ROBO2: variants seen among roughly 807,000 people sequenced by gnomAD.
ROBO2 encodes roundabout guidance receptor 2.
ROBO2 carries 53 observed loss-of-function variants against 160.8 expected under a neutral mutation model. The observed-to-expected ratio is 0.33, with a 90% CI of 0.26 to 0.41. ROBO2 has a LOEUF of 0.41. ROBO2 is among the 10% of genes least tolerant of loss of function. The pLI, the probability that ROBO2 is intolerant of heterozygous loss-of-function variation, is 1.00. For synonymous variants in ROBO2, 664 were observed against 611.7 expected (o/e 1.09, Z -1.26); for missense variants, 1,577 against 1,722.4 (o/e 0.92, Z 1.49).
intron 2 of ROBO2, among the ~76,000 whole-genome samples, chr3:76,712,513 A>G (rs1051508047): frequency 6.6e-6 from 1 of 151,974 alleles, no homozygotes; most frequent in Non-Finnish European, 1.5e-5. Context: ...CATCTCTACT[A>G]AAAATACAAA....
At chr3:77,137,215 A>G (rs1342655558) in intron 2 of ROBO2, among the ~76,000 whole-genome samples, 1 of 152,160 alleles carries the variant, frequency 6.6e-6, no homozygotes, top group African/African-American at 2.4e-5. Context: ...TAAAGCCATC[A>G]CAGTGGAATT....
intron 2 of ROBO2, among the ~76,000 whole-genome samples, chr3:76,103,290 G>A (rs1406990246): frequency 6.6e-6 from 1 of 152,148 alleles, no homozygotes; most frequent in Non-Finnish European, 1.5e-5. Flanking sequence ...GTGCTTTCTT[G>A]TCTATGTATA....
chr3:76,268,369 T>C (rs1352258398), intron 2 of ROBO2, among the ~76,000 whole-genome samples: 1 of 152,156 alleles, frequency 6.6e-6, no homozygotes, highest in African/African-American at 2.4e-5. Context: ...TGGGCTGTCA[T>C]AACAAAATAT....
chr3:77,221,283 T>C (rs1437974548), intron 2 of ROBO2, among the ~76,000 whole-genome samples: 2 of 152,184 alleles, frequency 1.3e-5, no homozygotes, highest in Non-Finnish European at 2.9e-5. Context: ...ACCAAGTAGA[T>C]AGAAGGTGTT....
chr3:76,657,183 T>C (rs1275709322), intron 2 of ROBO2, among the ~76,000 whole-genome samples: 1 of 152,018 alleles, frequency 6.6e-6, no homozygotes, highest in African/African-American at 2.4e-5. Flanking sequence ...CCCAGCACTT[T>C]GGGAAGCCGA....
At chr3:77,585,221 C>T (rs2153681068) in intron 16 of ROBO2, among the ~76,000 whole-genome samples, 1 of 150,388 alleles carries the variant, frequency 6.6e-6, no homozygotes, top group East Asian at 1.9e-4. Flanking sequence ...TATCTGTTTG[C>T]CAGATATTTT....
chr3:77,017,729 A>G (rs2062364884), intron 2 of ROBO2, among the ~76,000 whole-genome samples: 1 of 150,964 alleles, frequency 6.6e-6, no homozygotes, highest in Admixed American at 6.6e-5. Flanking sequence ...ACTTCACATA[A>G]TTTTTTAAAG....
chr3:76,688,505 A>G (rs934238217), intron 2 of ROBO2, among the ~76,000 whole-genome samples: 2 of 151,848 alleles, frequency 1.3e-5, no homozygotes, highest in African/African-American at 4.8e-5. Flanking sequence ...TTGAATATTT[A>G]GTAACTAAAC....
At chr3:77,602,167 C>A (rs369253199) in intron 19 of ROBO2, 43 bp from the exon 21 acceptor site, 1 of 1,607,638 alleles carries the variant, frequency 6.2e-7, no homozygotes, top group South Asian at 1.1e-5. Flanking sequence ...TTTGGGCTTC[C>A]GGTGCCTCAT....
At chr3:77,076,070 A>G (rs572836851) in intron 1 of ROBO2, among the ~76,000 whole-genome samples, 1 of 151,398 alleles carries the variant, frequency 6.6e-6, no homozygotes, top group South Asian at 2.1e-4. Flanking sequence ...GGAAAAAAAG[A>G]AAAAAAAAGG....
At chr3:77,488,685 C>T (rs1408880539) in intron 4 of ROBO2, among the ~76,000 whole-genome samples, 3 of 152,014 alleles carry the variant, frequency 2.0e-5, no homozygotes, top group Non-Finnish European at 4.4e-5. Context: ...GATTTTGAGT[C>T]AAAAGGGGAG....
intron 2 of ROBO2, among the ~76,000 whole-genome samples, chr3:77,017,096 A>G (rs1002423926): frequency 2.0e-5 from 3 of 152,324 alleles, no homozygotes; most frequent in African/African-American, 7.2e-5. Flanking sequence ...GTCCTTATCA[A>G]CAGGAAGATC....
At chr3:77,355,702 A>G (rs900320527) in intron 2 of ROBO2, among the ~76,000 whole-genome samples, 1 of 152,234 alleles carries the variant, frequency 6.6e-6, no homozygotes, top group African/African-American at 2.4e-5. Context: ...AAAGTTTAAT[A>G]TAATTTTAGA....
At chr3:76,047,605 C>A (rs565100466) in intron 2 of ROBO2, among the ~76,000 whole-genome samples, 1 of 152,248 alleles carries the variant, frequency 6.6e-6, no homozygotes, top group African/African-American at 2.4e-5. Flanking sequence ...GATGACAAGC[C>A]TCAGCGATAA....
Position 76,741,921 on chromosome 3 carries a change from A to G in ROBO2, c.110-356093A>G, listed in dbSNP as rs150685181. Among the ~76,000 whole-genome samples the G allele has an allele frequency of 5.9e-3, 905 of 152,160 alleles. 5 individuals are homozygous for G. Among genetic ancestry groups the G allele is most frequent in the Middle Eastern group, 0.024 (7 of 294 alleles). On this transcript the variant is annotated intron_variant, in intron 2 of 26. Coordinates refer to the ROBO2 transcript ENST00000487694. ...TCTTTTTATGCCCTAATATAGTATA[A>G]TGAGGCCTTTATAAGAGTTATGTCT...
intron 2 of ROBO2, among the ~76,000 whole-genome samples, chr3:76,927,642 A>G (rs1030798118): frequency 6.6e-6 from 1 of 152,222 alleles, no homozygotes; most frequent in African/African-American, 2.4e-5. Context: ...GAAATAAAGT[A>G]TAGCTTATAT....
intron 2 of ROBO2, among the ~76,000 whole-genome samples, chr3:76,079,840 G>GA (rs1163857153): frequency 6.6e-6 from 1 of 150,616 alleles, no homozygotes; most frequent in East Asian, 1.9e-4. Context: ...CAACAACAAA[G>GA]AAAAAAAGAA....
intron 2 of ROBO2, among the ~76,000 whole-genome samples, chr3:76,795,606 T>G (rs2063637663): frequency 1.3e-5 from 2 of 152,096 alleles, no homozygotes; most frequent in African/African-American, 4.8e-5. Context: ...TACTTCCAAC[T>G]GTAGTTCTCT....
At chr3:76,299,049 G>A (rs1204420250) in intron 2 of ROBO2, among the ~76,000 whole-genome samples, 1 of 152,106 alleles carries the variant, frequency 6.6e-6, no homozygotes, top group Non-Finnish European at 1.5e-5. Flanking sequence ...AGCGTGTTAG[G>A]CCAATATTCA....
Sources: allele counts gnomAD v4.1 joint callset (sites outside exome capture counted in the v4.1 genomes callset), GRCh38; gene constraint gnomAD v4.1.1; transcripts MANE v1.5; gene names NCBI Gene and HGNC (gene_info 2026-07-23, HGNC 2026-07-21).